Variants in PCDHGA5 observed in about 807,000 individuals in gnomAD.
PCDHGA5 encodes protocadherin gamma subfamily A, 5.
Under a neutral mutation model 56.7 loss-of-function variants are expected in PCDHGA5, and 36 were observed. The ratio of observed to expected loss-of-function variants is 0.64; its 90% confidence interval spans 0.49 to 0.84. The LOEUF (loss-of-function observed/expected upper bound fraction) is 0.84, where lower values mean the gene tolerates loss of function less well. Ranked by LOEUF, PCDHGA5 falls within the 40% of genes least tolerant of loss-of-function variation. The pLI is 0.00. For missense variants in PCDHGA5, 1,305 were observed against 1,201.5 expected (o/e 1.09, Z -1.27); for synonymous variants, 563 against 520.2 (o/e 1.08, Z -1.12).
rs1763271329 is a variant in PCDHGA5, at chr5:141,364,345, T to G, written c.15T>G (p.Pro5=). The stretch of plus-strand genomic sequence containing the variant: ...GAGAGAAGGCAATGGCGAGTCCACC[T>G]AGGGGCTGGGGCTGCGGAGAGCTGC... MASP[P]RGWGCGELLL... is the part of the protein sequence containing the mutation. Residue 5 remains proline, a synonymous_variant, in exon 1 of 4, where the codon CCT becomes CCG. Coordinates refer to ENST00000518069, the MANE Select transcript of PCDHGA5 (RefSeq NM_018918.3). 6.5e-7 allele frequency: 1 copy of G among 1,542,970 alleles called. No homozygotes were observed. Among genetic ancestry groups the G allele is most frequent in the African/African-American group, 1.4e-5 (1 of 72,242 alleles).
intron 1 of PCDHGA5, chr5:141,375,263 T>C (rs200233213): frequency 1.2e-6 from 2 of 1,613,828 alleles, no homozygotes; most frequent in Non-Finnish European, 1.7e-6. Context: ...CCCATTTGAA[T>C]TGGAAAAATC....
Position 141,431,581 on chromosome 5 carries a change from T to C in PCDHGA5, c.2422-63226T>C. The C allele has an allele frequency of 1.2e-6, 2 of 1,614,160 alleles. No individual in the cohort carries two copies. Among genetic ancestry groups the C allele is most frequent in the Non-Finnish European group, 1.7e-6 (2 of 1,180,022 alleles). ...CTACCGACCCTGACGAAGGAGTCAA[T>C]GCGGAAGTGAGGTATTCCTTCCGGT... On this transcript the variant is annotated intron_variant, in intron 1 of 3. Transcript: ENST00000518069. This position sits in a 1 kb window ranked among gnomAD's most constrained non-coding sequence, Gnocchi z 4.8.
At chr5:141,387,629 G>T (rs1361387129) in intron 1 of PCDHGA5, 7 of 579,598 alleles carry the variant, frequency 1.2e-5, no homozygotes, top group African/African-American at 3.7e-5. Context: ...CTGACTCTGG[G>T]CGCCGCTGTT....
At chr5:141,450,919 G>A (rs1489017891) in intron 1 of PCDHGA5, among the ~76,000 whole-genome samples, 2 of 151,024 alleles carry the variant, frequency 1.3e-5, no homozygotes, top group African/African-American at 4.9e-5. Context: ...CTGCCTCCCA[G>A]ATTCAAGCAA....
intron 1 of PCDHGA5, chr5:141,389,542 G>A (rs765744557): frequency 5.0e-6 from 8 of 1,613,080 alleles, no homozygotes; most frequent in African/African-American, 2.7e-5. Flanking sequence ...GTGGACGACC[G>A]CAACGACAAT....
chr5:141,368,109 C>T (rs1489519335), intron 1 of PCDHGA5, among the ~76,000 whole-genome samples: 2 of 152,118 alleles, frequency 1.3e-5, no homozygotes, highest in Non-Finnish European at 2.9e-5. Context: ...TCAGATGTTT[C>T]TTATTAAAAT....
intron 1 of PCDHGA5, chr5:141,440,036 A>T (rs540100930): frequency 6.5e-6 from 1 of 153,058 alleles, no homozygotes; most frequent in Non-Finnish European, 1.5e-5. Context: ...TGTCGAGGAC[A>T]TGCCCACTTG....
intron 1 of PCDHGA5, chr5:141,372,504 C>G: frequency 6.2e-7 from 1 of 1,614,052 alleles, no homozygotes; most frequent in South Asian, 1.1e-5. Flanking sequence ...AGTGCTCTTC[C>G]TCCTCGCGGT....
intron 1 of PCDHGA5, chr5:141,404,355 G>A (rs1170833341): frequency 6.2e-7 from 1 of 1,613,896 alleles, no homozygotes; most frequent in Admixed American, 1.7e-5. Flanking sequence ...AACGCCAGAG[G>A]TACTTCCATC....
intron 1 of PCDHGA5, chr5:141,395,537 ATTGT>A (rs1179408656): frequency 3.7e-5 from 9 of 243,938 alleles, no homozygotes; most frequent in Admixed American, 8.6e-5. Context: ...TAATTTTGCT[ATTGT>A]TTGTGTGTGT....
At chr5:141,506,787 G>A (rs55775963) in intron 3 of PCDHGA5, among the ~76,000 whole-genome samples, 1,925 of 152,270 alleles carry the variant, frequency 0.013, 43 homozygotes, top group African/African-American at 0.044. Flanking sequence ...CTTATAAGGA[G>A]GCTGGCAGAG....
intron 1 of PCDHGA5, among the ~76,000 whole-genome samples, chr5:141,465,343 TG>T (rs1048302340): frequency 1.5e-4 from 23 of 152,118 alleles, no homozygotes; most frequent in African/African-American, 5.3e-4. Flanking sequence ...TATTGGTTAC[TG>T]AAGAAAAAAT....
chr5:141,373,998 T>C lies in PCDHGA5; in HGVS notation c.2421+7247T>C, dbSNP rs934719638. On this transcript the variant is annotated intron_variant, in intron 1 of 3. Transcript: ENST00000518069. ...TCCGGTCTCTGCTTGTTGAAGGACC[T>C]TCACCGCTATTTCTGAGAAGAGCAA... The C allele has an allele frequency of 2.4e-5, 31 of 1,299,320 alleles. No homozygotes were observed. The African/African-American group carries it at 4.6e-4, about 19-fold the overall frequency. The allele number at this position is 1,299,320 out of a possible 1,614,324, so 80.5% of individuals were successfully genotyped here. A position where few individuals can be genotyped will look rare whatever the true frequency, so the allele number is the denominator to read the frequency against.
intron 2 of PCDHGA5, among the ~76,000 whole-genome samples, chr5:141,502,832 G>T (rs1266910323): frequency 6.6e-6 from 1 of 150,516 alleles, no homozygotes; most frequent in Non-Finnish European, 1.5e-5. Context: ...GGGGAAGCCT[G>T]GACTGGCTGA....
intron 1 of PCDHGA5, chr5:141,479,355 A>G (rs2099493778): frequency 6.6e-6 from 1 of 152,506 alleles, no homozygotes; most frequent in Non-Finnish European, 1.5e-5. Flanking sequence ...CTTGCTGCTC[A>G]GTGCCTGAGG....
In PCDHGA5 at chr5:141,364,666, C is replaced by T; in HGVS notation, c.336C>T (p.Asn112=). The change falls in exon 1 of 4, where the codon AAC becomes AAT. Residue 112 remains asparagine (N), a synonymous_variant. Transcript: ENST00000518069. ...CVVNFNILVE[N]KMKIYGVEVE... ...TGAACTTTAACATCTTGGTTGAGAA[C>T]AAAATGAAAATTTATGGAGTAGAAG... 2 of 1,614,024 alleles carry T rather than the reference C, an allele frequency of 1.2e-6. No individual in the cohort carries two copies. Among genetic ancestry groups the T allele is most frequent in the South Asian group, 1.1e-5 (1 of 91,090 alleles).
At chr5:141,500,188 ATT>A (rs2099797463) in intron 2 of PCDHGA5, among the ~76,000 whole-genome samples, 1 of 98,146 alleles carries the variant, frequency 1.0e-5, no homozygotes, top group African/African-American at 5.1e-5. Flanking sequence ...TTTTATTTTT[ATT>A]TATTTATTTA....
At chr5:141,389,603 C>T (rs1166074538) in intron 1 of PCDHGA5, 2 of 1,613,148 alleles carry the variant, frequency 1.2e-6, no homozygotes, top group Admixed American at 1.7e-5. Context: ...CTGCGCTCTT[C>T]GATATGGTGC....
Position 141,477,201 on chromosome 5 carries a change from C to T in PCDHGA5, c.2422-17606C>T, listed in dbSNP as rs1269388368. 6.2e-7 allele frequency: 1 copy of T among 1,614,076 alleles called. No homozygotes were observed. Among genetic ancestry groups the T allele is most frequent in the Non-Finnish European group, 8.5e-7 (1 of 1,180,056 alleles). On this transcript the variant is annotated intron_variant, in intron 1 of 3. Transcript: ENST00000518069. The surrounding 1 kb of genome is among the most constrained non-coding windows in gnomAD (Gnocchi z 4.9). ...GTCACCTCCGTGTACAGCCCAGTAC[C>T]CGAGGATGCCCCTCTGGGGACTGTC... is the stretch of plus-strand genomic sequence containing the variant.
Sources: allele counts gnomAD v4.1 joint callset (sites outside exome capture counted in the v4.1 genomes callset), GRCh38; gene constraint gnomAD v4.1.1; non-coding constraint Gnocchi (gnomAD v3.1); transcripts MANE v1.5; gene names NCBI Gene and HGNC (gene_info 2026-07-23, HGNC 2026-07-21).